ARHGAP1: variants seen among roughly 807,000 people sequenced by gnomAD.
ARHGAP1 encodes rho GTPase-activating protein 1.
In ARHGAP1, 23 loss-of-function variants were observed where a neutral mutation model predicts 52.2. That is an observed-to-expected ratio of 0.44 (90% confidence interval 0.32 to 0.62). The LOEUF is 0.62. Ranked by LOEUF, ARHGAP1 falls within the 20% of genes least tolerant of loss-of-function variation. ARHGAP1 has a pLI of 0.05. For missense variants in ARHGAP1, 480 were observed against 560.9 expected, an observed-to-expected ratio of 0.86 and a Z score of 1.46; for synonymous variants, 210 against 228.4, an observed-to-expected ratio of 0.92 and a Z score of 0.73.
In ARHGAP1 at chr11:46,679,716, G is replaced by C; in HGVS notation, c.959C>G (p.Thr320Ser). The change falls in exon 11 of 13, where the codon ACC (threonine) becomes AGC (serine). Residue 320 changes from threonine to serine, a missense_variant. Coordinates refer to ENST00000311956, the MANE Select transcript of ARHGAP1 (RefSeq NM_004308.5). This position sits in a 1 kb window ranked among gnomAD's most constrained non-coding sequence, Gnocchi z 4.4. ...ELHLPAVILKTFLRELPEPLL... is the reference protein window; with the variant it reads ...ELHLPAVILKSFLRELPEPLL... The stretch of plus-strand genomic sequence containing the variant: ...GGGCTCAGGAAGCTCCCGGAGGAAG[G>C]TCTTGAGGATGACTGCTGGCAGGTG... The C allele has an allele frequency of 6.2e-7, 1 of 1,614,128 alleles. No individual in the cohort carries two copies. The highest frequency in any genetic ancestry group is 8.5e-7 in the Non-Finnish European group (1 of 1,180,010).
intron 3 of ARHGAP1, among the ~76,000 whole-genome samples, chr11:46,691,213 C>T (rs564590169): frequency 3.9e-5 from 6 of 152,258 alleles, no homozygotes; most frequent in Non-Finnish European, 7.4e-5. Context: ...GTATTCAATA[C>T]GTTTTGGTAG....
chr11:46,682,067 G>T lies in ARHGAP1; in HGVS notation c.433C>A (p.Arg145=). Reference sequence around the variant, plus strand: ...CCAACCCACTTGCGGTCAAACTCCCGGTAGGCATCACGGAGCCAGCTGAGG... The same window carrying T: ...CCAACCCACTTGCGGTCAAACTCCCTGTAGGCATCACGGAGCCAGCTGAGG... ...PSLSWLRDAY[R]EFDRKYKKNI... Residue 145 remains arginine, a synonymous_variant, in exon 5 of 13, where the codon CGG becomes AGG. Transcript: ENST00000311956. The T allele has an allele frequency of 3.7e-6, 6 of 1,614,070 alleles. No individual in the cohort carries two copies. The highest frequency in any genetic ancestry group is 4.2e-6 in the Non-Finnish European group (5 of 1,179,968).
chr11:46,691,196 G>A (rs541310950), intron 3 of ARHGAP1, among the ~76,000 whole-genome samples: 1 of 152,306 alleles, frequency 6.6e-6, no homozygotes, highest in African/African-American at 2.4e-5. Context: ...TGTCTGGCAT[G>A]TGGCAGGTAT....
At chr11:46,693,732 C>T (rs2064631712) in intron 3 of ARHGAP1, among the ~76,000 whole-genome samples, 1 of 152,130 alleles carries the variant, frequency 6.6e-6, no homozygotes. Flanking sequence ...GGCCTGGGAC[C>T]TGGGAGGTAG....
chr11:46,700,109 G>A (rs2064690513), intron 1 of ARHGAP1, among the ~76,000 whole-genome samples: 1 of 152,176 alleles, frequency 6.6e-6, no homozygotes, highest in Non-Finnish European at 1.5e-5. Context: ...GGCGGAGGTT[G>A]CAGTGAACCG....
At chr11:46,688,377 G>A (rs2064587852) in intron 3 of ARHGAP1, 117 bp from the exon 4 acceptor site, 4 of 1,038,692 alleles carry the variant, frequency 3.9e-6, no homozygotes, top group Non-Finnish European at 4.3e-6. Flanking sequence ...GGGCCAGAGT[G>A]CCCATGCAGA....
In ARHGAP1 at chr11:46,696,395, T is replaced by G. The variant is rs1296333169; in HGVS notation, c.-49-239A>C. The stretch of plus-strand genomic sequence containing the variant: ...AGGATGGCACAGCTCAGCGCCTCCC[T>G]CCAGGCCCTGCAGCTGGGGAGGGAA... On this transcript the variant is annotated intron_variant, in intron 1 of 12. Coordinates refer to ENST00000311956, the MANE Select transcript of ARHGAP1 (RefSeq NM_004308.5). The surrounding 1 kb of genome is among the most constrained non-coding windows in gnomAD (Gnocchi z 4.8). 6.6e-6 allele frequency among the ~76,000 whole-genome samples: 1 copy of G among 152,042 alleles called. No homozygotes were observed. Among genetic ancestry groups the G allele is most frequent in the Non-Finnish European group, 1.5e-5 (1 of 67,992 alleles).
intron 3 of ARHGAP1, among the ~76,000 whole-genome samples, chr11:46,690,512 G>C (rs562053225): frequency 1.3e-5 from 2 of 152,248 alleles, no homozygotes; most frequent in South Asian, 4.2e-4. Flanking sequence ...GACTACAGGT[G>C]TGCACCACTG....
rs575017860 is a variant in ARHGAP1, at chr11:46,696,653, G to A, written c.-49-497C>T. ...GGAGGCCGAGGCAGGCGGATCACCT[G>A]AGGTCAGGAGTTCAAGACTAGCCTG... On this transcript the variant is annotated intron_variant, in intron 1 of 12. Transcript: ENST00000311956. The surrounding 1 kb of genome is among the most constrained non-coding windows in gnomAD (Gnocchi z 4.8). Among the ~76,000 whole-genome samples, 34 of 152,346 alleles carry A rather than the reference G, an allele frequency of 2.2e-4. No individual in the cohort carries two copies. Among genetic ancestry groups the A allele is most frequent in the African/African-American group, 8.2e-4 (34 of 41,586 alleles).
rs375122405 is a variant in ARHGAP1 at position 46,679,001 on chromosome 11, C to A, written c.*36G>T. 7.5e-6 allele frequency: 12 copies of A among 1,609,038 alleles called. No homozygotes were observed. Among genetic ancestry groups the A allele is most frequent in the Non-Finnish European group, 1.0e-5 (12 of 1,176,710 alleles). ...CCAGGAGGAAGAGTCCAAACCCGGG[C>A]TACCAGAGAAGGGGCTGGTGGGGCA... is the stretch of plus-strand genomic sequence containing the variant. On this transcript the variant is annotated 3_prime_UTR_variant, in exon 13 of 13. Coordinates refer to ENST00000311956, the MANE Select transcript of ARHGAP1 (RefSeq NM_004308.5). This position sits in a 1 kb window ranked among gnomAD's most constrained non-coding sequence, Gnocchi z 4.4.
chr11:46,694,237 C>A (rs551604108), intron 3 of ARHGAP1, among the ~76,000 whole-genome samples: 1 of 152,112 alleles, frequency 6.6e-6, no homozygotes, highest in Non-Finnish European at 1.5e-5. Flanking sequence ...CCCCACACAG[C>A]CTCCCCCACC....
Position 46,678,857 on chromosome 11 carries a change from C to T in ARHGAP1, c.*180G>A, listed in dbSNP as rs1006200807. 22 of 673,760 alleles carry T rather than the reference C, an allele frequency of 3.3e-5. 1 individual carries two copies. In the Admixed American group the frequency reaches 3.6e-4, roughly 11 times the overall value. 41.7% of individuals were successfully genotyped at this position (673,760 alleles called of 1,614,324 possible). A position where few individuals can be genotyped will look rare whatever the true frequency, so the allele number is the denominator to read the frequency against. ...GTGAGAAGTGTAAGGCAGAGAAAAA[C>T]GTCTTCTGGTAACAGCGAGGCCGCC... is the stretch of plus-strand genomic sequence containing the variant. On this transcript the variant is annotated 3_prime_UTR_variant, in exon 13 of 13. Transcript: ENST00000311956.
rs1272309823 is a variant in ARHGAP1 at position 46,678,896 on chromosome 11, G to A, written c.*141C>T. On this transcript the variant is annotated 3_prime_UTR_variant, in exon 13 of 13. Transcript: ENST00000311956. ...AGCGAGGCCGCCAGGGCCGTGAGGC[G>A]GGCTGGACAGAGGTGGGGGAGAGCA... 1.1e-5 allele frequency: 11 copies of A among 970,406 alleles called. No individual in the cohort carries two copies. The highest frequency in any genetic ancestry group is 2.6e-5 in the East Asian group (1 of 38,098). The allele number at this position is 970,406 out of a possible 1,614,324, so 60.1% of individuals were successfully genotyped here. A position where few individuals can be genotyped will look rare whatever the true frequency, so the allele number is the denominator to read the frequency against.
At chr11:46,697,983 C>A (rs2064669779) in intron 1 of ARHGAP1, among the ~76,000 whole-genome samples, 1 of 152,200 alleles carries the variant, frequency 6.6e-6, no homozygotes, top group African/African-American at 2.4e-5. Context: ...CAGCTCAAAG[C>A]AACCCCCTCC....
Position 46,680,103 on chromosome 11 carries a change from C to A in ARHGAP1, c.898+102G>T. On this transcript the variant is annotated intron_variant, in intron 10 of 12. Transcript: ENST00000311956. The surrounding 1 kb of genome is among the most constrained non-coding windows in gnomAD (Gnocchi z 5.9). ...CACCCAGAGCCACGGAAACCTCCAG[C>A]AGGAAGAGACTCTGAGACTCTCATT... The A allele has an allele frequency of 1.5e-6, 2 of 1,374,726 alleles. No homozygotes were observed. The highest frequency in any genetic ancestry group is 2.3e-5 in the South Asian group (2 of 85,618). The allele number at this position is 1,374,726 out of a possible 1,614,324, so 85.2% of individuals were successfully genotyped here.
rs1404509031 is a variant in ARHGAP1 at position 46,696,147 on chromosome 11, T to A, written c.-40A>T. 7 of 1,554,686 alleles carry A rather than the reference T, an allele frequency of 4.5e-6. 1 individual carries two copies. In the Middle Eastern group the frequency reaches 5.0e-4, roughly 112 times the overall value. On this transcript the variant is annotated 5_prime_UTR_variant, in exon 2 of 13. Coordinates refer to ENST00000311956, the MANE Select transcript of ARHGAP1 (RefSeq NM_004308.5). The surrounding 1 kb of genome is among the most constrained non-coding windows in gnomAD (Gnocchi z 4.8). ...CAGACAGCCTTGCCCTGCAGAACCT[T>A]AAGAGAAACCTGGGAGAGAGGAAGA...
Position 46,679,066 on chromosome 11 carries a change from A to G in ARHGAP1, c.1291T>C (p.Phe431Leu), listed in dbSNP as rs760707506. The change falls in exon 13 of 13, where the codon TTC (phenylalanine) becomes CTC (leucine). Residue 431 changes from phenylalanine (F) to leucine (L), a missense_variant. By Grantham distance (22) the Phe-to-Leu change is conservative. Coordinates refer to ENST00000311956, the MANE Select transcript of ARHGAP1 (RefSeq NM_004308.5). This position sits in a 1 kb window ranked among gnomAD's most constrained non-coding sequence, Gnocchi z 4.4. ...KFLLDHQGEL[F>L]PSPDPSGL ...AGCCCGCTGGGGTCCGGGCTTGGGA[A>G]CAGCTCCCCTTGGTGATCCAGAAGG... is the stretch of plus-strand genomic sequence containing the variant. The G allele has an allele frequency of 1.9e-6, 3 of 1,614,200 alleles. No homozygotes were observed. The highest frequency in any genetic ancestry group is 1.7e-5 in the Admixed American group (1 of 60,016).
In ARHGAP1 at chr11:46,692,357, C is replaced by T. The variant is rs147292395; in HGVS notation, c.229+3303G>A. Among the ~76,000 whole-genome samples, 5 of 152,276 alleles carry T rather than the reference C, an allele frequency of 3.3e-5. No individual in the cohort carries two copies. In the South Asian group the frequency reaches 6.2e-4, roughly 19 times the overall value. On this transcript the variant is annotated intron_variant, in intron 3 of 12. Transcript: ENST00000311956. Reference sequence around the variant, plus strand: ...ATAACCAGGATTTGGGGGAAATGCTCGAGGACAATGGGGGCTACCAAAAGG... The same window carrying T: ...ATAACCAGGATTTGGGGGAAATGCTTGAGGACAATGGGGGCTACCAAAAGG...
intron 4 of ARHGAP1, among the ~76,000 whole-genome samples, chr11:46,684,955 G>A (rs2064556243): frequency 6.6e-6 from 1 of 151,812 alleles, no homozygotes; most frequent in African/African-American, 2.4e-5. Context: ...GAGTGTGGTG[G>A]TGCACGCCTG....
Sources: gnomAD v4.1 joint callset for allele counts (sites outside exome capture counted in the v4.1 genomes callset) on GRCh38, gnomAD v4.1.1 for gene constraint, Gnocchi (gnomAD v3.1) non-coding constraint, MANE v1.5 for transcripts, NCBI Gene and HGNC (gene_info 2026-07-23, HGNC 2026-07-21) for gene names.